The following MARCHF1 variants were observed in gnomAD, a reference collection of about 807,000 sequenced individuals.
The protein encoded by MARCHF1 is membrane associated ring-CH-type finger 1, also known as E3 ubiquitin-protein ligase MARCHF1.
A neutral mutation model predicts 54.2 loss-of-function variants in MARCHF1; 40 were observed. That is an observed-to-expected ratio of 0.74 (90% CI 0.57 to 0.96). The LOEUF is 0.96. Among genes scored for constraint, MARCHF1 ranks in the 40% least tolerant of loss-of-function variants. The probability of loss-of-function intolerance (pLI) is 0.00; values close to 1 mark genes in which losing one functional copy is unlikely to be tolerated. For synonymous variants in MARCHF1, 236 were observed against 236.3 expected (o/e 1.00, Z 0.01); for missense variants, 586 against 656.5 (o/e 0.89, Z 1.17).
At chr4:163,992,903 G>T (rs1425395825) in intron 2 of MARCHF1, among the ~76,000 whole-genome samples, 2 of 151,830 alleles carry the variant, frequency 1.3e-5, no homozygotes, top group African/African-American at 4.8e-5. Flanking sequence ...GTTGGAAAAA[G>T]AATATTTCAC....
chr4:163,753,611 G>C (rs769223331), intron 4 of MARCHF1, among the ~76,000 whole-genome samples: 1 of 152,076 alleles, frequency 6.6e-6, no homozygotes, highest in South Asian at 2.1e-4. Flanking sequence ...TTAATATCAT[G>C]GCTGGACCTA....
rs114863620 is a variant in MARCHF1, at chr4:164,156,709, G to A, written c.-322-45047C>T. On this transcript the variant is annotated intron_variant, in intron 1 of 9. Transcript: ENST00000514618. ...CTCCCAAAGTGCTGGGATTACAGGCGTTAGTCACCATGCCCGCCCTTAATT... is the reference window on the plus strand; with the variant it reads ...CTCCCAAAGTGCTGGGATTACAGGCATTAGTCACCATGCCCGCCCTTAATT... Among the ~76,000 whole-genome samples the A allele has an allele frequency of 4.2e-3, 633 of 152,186 alleles. 5 individuals are homozygous for A. Among genetic ancestry groups the A allele is most frequent in the Admixed American group, 0.011 (161 of 15,266 alleles).
chr4:163,812,834 TTTTG>T lies in MARCHF1; in HGVS notation c.111+41183_111+41186del, dbSNP rs566260424. Reference sequence around the variant, plus strand: ...CCAAATGAGCTTTGGAAGTCAAAATTTTTGTTTGTTATTTGATTTTAGAAAGTAA... The same window carrying T: ...CCAAATGAGCTTTGGAAGTCAAAATTTTTGTTATTTGATTTTAGAAAGTAA... On this transcript the variant is annotated intron_variant, in intron 4 of 9. Coordinates refer to ENST00000514618, the MANE Select transcript of MARCHF1 (RefSeq NM_001394959.1). Among the ~76,000 whole-genome samples the T allele has an allele frequency of 4.2e-3, 646 of 152,264 alleles. 4 individuals carry two copies. Among genetic ancestry groups the T allele is most frequent in the African/African-American group, 0.015 (609 of 41,546 alleles).
chr4:164,114,473 C>A (rs142030377), intron 1 of MARCHF1, among the ~76,000 whole-genome samples: 1 of 151,518 alleles, frequency 6.6e-6, no homozygotes. Flanking sequence ...GAAGGCTTAA[C>A]GATTTTTATA....
At chr4:163,809,308 T>C (rs141477097) in intron 4 of MARCHF1, among the ~76,000 whole-genome samples, 10 of 152,290 alleles carry the variant, frequency 6.6e-5, no homozygotes, top group African/African-American at 2.4e-4. Flanking sequence ...AGAATTTATT[T>C]TACAAACCAA....
chr4:163,616,499 A>G (rs186825198), intron 5 of MARCHF1, among the ~76,000 whole-genome samples: 1 of 152,288 alleles, frequency 6.6e-6, no homozygotes, highest in Admixed American at 6.5e-5. Context: ...ACATATATGA[A>G]AAAGTGCTCA....
intron 1 of MARCHF1, among the ~76,000 whole-genome samples, chr4:164,260,475 G>A (rs1733431368): frequency 6.6e-6 from 1 of 151,696 alleles, no homozygotes; most frequent in South Asian, 2.1e-4. Flanking sequence ...CTCTCTAGCT[G>A]GCACACTTTT....
chr4:163,754,608 T>C (rs999868969), intron 4 of MARCHF1, among the ~76,000 whole-genome samples: 2 of 152,158 alleles, frequency 1.3e-5, no homozygotes, highest in Admixed American at 1.3e-4. Context: ...GAAAGTTAAA[T>C]CAATCTTTTT....
chr4:163,961,214 G>A, intron 3 of MARCHF1, among the ~76,000 whole-genome samples: 1 of 151,878 alleles, frequency 6.6e-6, no homozygotes. Flanking sequence ...CTTAACAGCA[G>A]CAATAACTTA....
At chr4:164,290,573 T>A (rs1734262688) in intron 1 of MARCHF1, among the ~76,000 whole-genome samples, 1 of 151,934 alleles carries the variant, frequency 6.6e-6, no homozygotes, top group South Asian at 2.1e-4. Flanking sequence ...GAACATTCCC[T>A]TCCAAATATT....
intron 1 of MARCHF1, among the ~76,000 whole-genome samples, chr4:164,275,286 T>G (rs1237088007): frequency 6.6e-6 from 1 of 152,178 alleles, no homozygotes; most frequent in Non-Finnish European, 1.5e-5. Context: ...GAAACTGTTT[T>G]CCTCGTCTGC....
At chr4:164,248,507 G>C (rs1733025232) in intron 1 of MARCHF1, among the ~76,000 whole-genome samples, 1 of 151,970 alleles carries the variant, frequency 6.6e-6, no homozygotes, top group Admixed American at 6.6e-5. Flanking sequence ...ACAAAACATG[G>C]AGTTTTCCTC....
At chr4:163,733,226 TGTATATATATATATACAC>T (rs1745923677) in intron 4 of MARCHF1, among the ~76,000 whole-genome samples, 3 of 21,486 alleles carry the variant, frequency 1.4e-4, no homozygotes, top group African/African-American at 3.2e-4. Flanking sequence ...TATATACACG[TGTATATATATATATACAC>T]GTGTATATAT....
chr4:164,217,932 C>A (rs537881220), intron 1 of MARCHF1, among the ~76,000 whole-genome samples: 1 of 151,958 alleles, frequency 6.6e-6, no homozygotes, highest in Admixed American at 6.6e-5. Context: ...GAAAAACAAA[C>A]AATTTCAAAA....
chr4:163,616,017 G>A (rs1047970180), intron 5 of MARCHF1, among the ~76,000 whole-genome samples: 1 of 152,056 alleles, frequency 6.6e-6, no homozygotes, highest in African/African-American at 2.4e-5. Flanking sequence ...ATATCCATAT[G>A]AAGAAGAATG....
intron 8 of MARCHF1, among the ~76,000 whole-genome samples, chr4:163,553,635 A>G (rs1365362792): frequency 1.3e-5 from 2 of 152,204 alleles, no homozygotes; most frequent in Non-Finnish European, 2.9e-5. Context: ...AGGTTTTAAT[A>G]TATGCCCCAG....
In MARCHF1 at chr4:163,640,893, G is replaced by A. The variant is rs1046872278; in HGVS notation, c.163-27500C>T. On this transcript the variant is annotated intron_variant, in intron 5 of 9. Transcript: ENST00000514618. ...TGGTTATTGACATATTATCTATCGC[G>A]AAGAGAATATTTATTTTCCATTTCA... is the stretch of plus-strand genomic sequence containing the variant. 2.0e-4 allele frequency among the ~76,000 whole-genome samples: 30 copies of A among 151,998 alleles called. 1 individual carries two copies. Among genetic ancestry groups the A allele is most frequent in the African/African-American group, 6.3e-4 (26 of 41,474 alleles).
At chr4:164,078,370 G>T (rs1432151918) in intron 2 of MARCHF1, among the ~76,000 whole-genome samples, 1 of 152,048 alleles carries the variant, frequency 6.6e-6, no homozygotes, top group East Asian at 1.9e-4. Context: ...ACACACCGGG[G>T]TCTGCAGGGA....
intron 5 of MARCHF1, among the ~76,000 whole-genome samples, chr4:163,638,181 A>G (rs1403128846): frequency 1.3e-5 from 2 of 151,090 alleles, no homozygotes; most frequent in African/African-American, 2.4e-5. Flanking sequence ...AGCATGGCAC[A>G]TGTATACGTA....
Sources: gnomAD v4.1 joint callset for allele counts (sites outside exome capture counted in the v4.1 genomes callset) on GRCh38, gnomAD v4.1.1 for gene constraint, MANE v1.5 for transcripts, NCBI Gene and HGNC (gene_info 2026-07-23, HGNC 2026-07-21) for gene names.